The following GSE1 variants were observed in gnomAD, a reference collection of about 807,000 sequenced individuals.
GSE1 encodes the protein Gse1 coiled-coil protein.
Under a neutral mutation model 112.6 loss-of-function variants are expected in GSE1, and 32 were observed. That is an observed-to-expected ratio of 0.28 (90% confidence interval 0.21 to 0.38). The LOEUF (loss-of-function observed/expected upper bound fraction) is 0.38, where lower values mean the gene tolerates loss of function less well. Ranked by LOEUF, GSE1 falls within the 10% of genes least tolerant of loss-of-function variation. The pLI is 1.00. For synonymous variants in GSE1, 1,115 were observed against 735.6 expected (o/e 1.52, Z -8.35); for missense variants, 2,348 against 1,699.2 (o/e 1.38, Z -6.71).
intron 14 of GSE1, among the ~76,000 whole-genome samples, chr16:85,670,342 G>C (rs1015973136): frequency 6.6e-6 from 1 of 152,232 alleles, no homozygotes; most frequent in Non-Finnish European, 1.5e-5. Context: ...TCCCATTAAA[G>C]AGTGAAGGTT....
intron 2 of GSE1, among the ~76,000 whole-genome samples, chr16:85,393,260 C>G (rs778138002): frequency 6.6e-6 from 1 of 152,226 alleles, no homozygotes; most frequent in Non-Finnish European, 1.5e-5. Context: ...CATAGCAAGA[C>G]CCTGTCTCAA....
chr16:85,663,214 G>C, intron 10 of GSE1, 121 bp downstream of exon 10: 2 of 1,297,946 alleles, frequency 1.5e-6, no homozygotes, highest in Non-Finnish European at 2.2e-6. Context: ...TTCGCCCCAT[G>C]AAGCTCTTCT....
chr16:85,643,461 C>A (rs917190576), intron 2 of GSE1, among the ~76,000 whole-genome samples: 1 of 152,166 alleles, frequency 6.6e-6, no homozygotes. Flanking sequence ...AGAGAAGCTC[C>A]CCACCCTTCA....
intron 1 of GSE1, among the ~76,000 whole-genome samples, chr16:85,264,653 G>T (rs1349760945): frequency 6.6e-6 from 1 of 152,158 alleles, no homozygotes; most frequent in Non-Finnish European, 1.5e-5. Context: ...GGACGGCGTC[G>T]GGTGGGCAGT....
In GSE1 at chr16:85,662,974, C is replaced by A; in HGVS notation, c.2261-7C>A. On this transcript the variant is annotated splice_region_variant and splice_polypyrimidine_tract_variant and intron_variant, in intron 9 of 15. Transcript: ENST00000253458. ...TGTCTGGCTGAATACAACCATTTCTCCATCAGGGTACTACTACGACCTCGA... is the reference window on the plus strand; with the variant it reads ...TGTCTGGCTGAATACAACCATTTCTACATCAGGGTACTACTACGACCTCGA... 2 of 1,560,790 alleles carry A rather than the reference C, an allele frequency of 1.3e-6. No homozygotes were observed. The highest frequency in any genetic ancestry group is 1.8e-6 in the Non-Finnish European group (2 of 1,132,784).
In GSE1 at chr16:85,421,554, G is replaced by A. The variant is rs563683915; in HGVS notation, c.2464+63911G>A. Among the ~76,000 whole-genome samples, 3 of 152,336 alleles carry A rather than the reference G, an allele frequency of 2.0e-5. No individual in the cohort carries two copies. In the South Asian group the frequency reaches 6.2e-4, roughly 32 times the overall value. On this transcript the variant is annotated intron_variant, in intron 2 of 2. Transcript: ENST00000637419. ...TGACTTGTTAATTCAACAAACAGCTGCACAGCGATTTTCTGACCAGGCGGG... is the reference window on the plus strand; with the variant it reads ...TGACTTGTTAATTCAACAAACAGCTACACAGCGATTTTCTGACCAGGCGGG...
chr16:85,580,626 G>T (rs544742737), intron 1 of GSE1, among the ~76,000 whole-genome samples: 1 of 152,230 alleles, frequency 6.6e-6, no homozygotes, highest in Non-Finnish European at 1.5e-5. Flanking sequence ...CCTTGTCACA[G>T]GCTGAATGTT....
chr16:85,656,454 G>A lies in GSE1; in HGVS notation c.1101G>A (p.Lys367=). Residue 367 remains lysine, a synonymous_variant, in exon 7 of 16, where the codon AAG becomes AAA. Coordinates refer to ENST00000253458, the MANE Select transcript of GSE1 (RefSeq NM_014615.5). ...AGGAACGTGAGCGCGAACGCGAGAA[G>A]GAGCGCGAGCAAGAGAAGGAGCGTG... The part of the protein sequence containing the change: ...REKERERERE[K]EREQEKERER... 1 of 1,551,612 alleles carries A rather than the reference G, an allele frequency of 6.4e-7. No individual in the cohort carries two copies. The highest frequency in any genetic ancestry group is 8.7e-7 in the Non-Finnish European group (1 of 1,143,986).
At chr16:85,477,765 C>T (rs189867321) in intron 2 of GSE1, among the ~76,000 whole-genome samples, 92 of 151,846 alleles carry the variant, frequency 6.1e-4, no homozygotes, top group African/African-American at 1.9e-3. Flanking sequence ...TTTCACTATG[C>T]TGGCCAGGCT....
intron 2 of GSE1, among the ~76,000 whole-genome samples, chr16:85,549,070 A>G (rs1052010747): frequency 2.0e-5 from 3 of 152,158 alleles, no homozygotes; most frequent in Non-Finnish European, 2.9e-5. Flanking sequence ...TACAGCCGTG[A>G]GCCACCGCGC....
chr16:85,318,373 C>A (rs1192878101), intron 1 of GSE1, among the ~76,000 whole-genome samples: 3 of 152,176 alleles, frequency 2.0e-5, no homozygotes, highest in Admixed American at 2.0e-4. Flanking sequence ...AAGTGATCAT[C>A]CTGTCTTCGC....
intron 1 of GSE1, among the ~76,000 whole-genome samples, chr16:85,628,245 T>G (rs2049246450): frequency 6.6e-6 from 1 of 152,162 alleles, no homozygotes; most frequent in African/African-American, 2.4e-5. Context: ...AGCCGCTCAT[T>G]TGGAATTCTA....
At chr16:85,178,741 G>C (rs1177627513) in intron 1 of GSE1, among the ~76,000 whole-genome samples, 2 of 151,986 alleles carry the variant, frequency 1.3e-5, no homozygotes, top group African/African-American at 4.8e-5. Context: ...AACCAGGCAG[G>C]GTCTTGGGGG....
chr16:85,466,306 C>T (rs56379256), intron 2 of GSE1, among the ~76,000 whole-genome samples: 6 of 152,194 alleles, frequency 3.9e-5, no homozygotes, highest in Non-Finnish European at 7.3e-5. Flanking sequence ...GCCACGCAGG[C>T]GTGGTGATGT....
At chr16:85,457,415 T>C (rs2049859018) in intron 2 of GSE1, among the ~76,000 whole-genome samples, 1 of 152,196 alleles carries the variant, frequency 6.6e-6, no homozygotes, top group African/African-American at 2.4e-5. Context: ...AGAGGCTGTC[T>C]CTGATGGTCC....
chr16:85,598,173 T>TG (rs1348757351), intron 1 of GSE1, among the ~76,000 whole-genome samples: 1 of 145,526 alleles, frequency 6.9e-6, no homozygotes, highest in Non-Finnish European at 1.5e-5. Flanking sequence ...GGTTGTTTTT[T>TG]TTTTTTTTTT....
At chr16:85,320,315 C>T (rs2046076155) in intron 1 of GSE1, among the ~76,000 whole-genome samples, 1 of 152,180 alleles carries the variant, frequency 6.6e-6, no homozygotes, top group South Asian at 2.1e-4. Context: ...TTCGCTCACG[C>T]AGAACACCAG....
chr16:85,349,678 A>AT (rs1180180925), intron 1 of GSE1, among the ~76,000 whole-genome samples: 2 of 151,768 alleles, frequency 1.3e-5, no homozygotes, highest in African/African-American at 2.4e-5. Context: ...CCTGTGCTTG[A>AT]TTTTTCCTCG....
intron 1 of GSE1, among the ~76,000 whole-genome samples, chr16:85,356,171 G>GC (rs1331604644): frequency 6.6e-6 from 1 of 152,238 alleles, no homozygotes; most frequent in Non-Finnish European, 1.5e-5. Context: ...GGACAGGTAG[G>GC]CCCTTAGTAA....
Sources: gnomAD v4.1 joint callset for allele counts (sites outside exome capture counted in the v4.1 genomes callset) on GRCh38, gnomAD v4.1.1 for gene constraint, MANE v1.5 for transcripts, NCBI Gene and HGNC (gene_info 2026-07-23, HGNC 2026-07-21) for gene names.